CCDC7: variants seen among roughly 807,000 people sequenced by gnomAD.
CCDC7 encodes coiled-coil domain containing 7.
In CCDC7, 183 loss-of-function variants were observed where a neutral mutation model predicts 196.9. That is an observed-to-expected ratio of 0.93 (90% CI 0.82 to 1.05). CCDC7 has a LOEUF of 1.05. Among genes scored for constraint, CCDC7 ranks in the 50% least tolerant of loss-of-function variants. CCDC7 has a pLI of 0.00. For missense variants in CCDC7, 1,540 were observed against 1,482.2 expected (o/e 1.04, Z -0.64); for synonymous variants, 525 against 484.6 (o/e 1.08, Z -1.10).
rs2058909557 is a variant in CCDC7, at chr10:32,583,194, G to A, written c.1615G>A (p.Val539Ile). The A allele has an allele frequency of 4.9e-6, 6 of 1,231,404 alleles. No homozygotes were observed. The East Asian group carries it at 1.3e-4, about 26-fold the overall frequency. The allele number at this position is 1,231,404 out of a possible 1,614,324, so 76.3% of individuals were successfully genotyped here. The change falls in exon 17 of 42, where the codon GTA becomes ATA. Residue 539 changes from valine to isoleucine, a missense_variant. Physicochemically the swap from Val to Ile is conservative, Grantham distance 29. Transcript: ENST00000639629. ...GACCCATGATAAATCACTTACAACA[G>A]TATCATCCAGCAAAGAAGTTCAAGA...
intron 30 of CCDC7, among the ~76,000 whole-genome samples, chr10:32,811,495 A>T (rs1449443789): frequency 1.3e-5 from 2 of 152,226 alleles, no homozygotes; most frequent in South Asian, 2.1e-4. Flanking sequence ...GTGCTGTTAG[A>T]TAAAAAGAAT....
chr10:32,505,948 C>A (rs1374786213), intron 9 of CCDC7, among the ~76,000 whole-genome samples: 1 of 150,042 alleles, frequency 6.7e-6, no homozygotes, highest in East Asian at 2.0e-4. Context: ...TCCTCACATC[C>A]CAGACGGGGC....
At chr10:32,444,136 C>A (rs12777221), upstream of CCDC7, among the ~76,000 whole-genome samples, 6 of 151,498 alleles carry the variant, frequency 4.0e-5, no homozygotes, top group Admixed American at 2.0e-4. Context: ...ACTGAATAGA[C>A]ATAGTGAGAG....
chr10:32,692,915 A>G (rs2077254655), intron 23 of CCDC7, among the ~76,000 whole-genome samples: 1 of 152,078 alleles, frequency 6.6e-6, no homozygotes, highest in Admixed American at 6.6e-5. Context: ...CATTTTATGG[A>G]CCCTGAGGCT....
At chr10:32,809,015 C>CA (rs1217668512) in intron 30 of CCDC7, among the ~76,000 whole-genome samples, 1 of 152,084 alleles carries the variant, frequency 6.6e-6, no homozygotes, top group East Asian at 1.9e-4. Context: ...CTGTCTCTAC[C>CA]AAAAAACTTT....
chr10:32,817,541 T>A (rs1329508350), intron 31 of CCDC7, among the ~76,000 whole-genome samples: 2 of 152,148 alleles, frequency 1.3e-5, no homozygotes, highest in African/African-American at 4.8e-5. Flanking sequence ...ATTGTCAGAT[T>A]CACCAAAGTT....
chr10:32,522,270 T>A (rs1040900883), intron 11 of CCDC7, among the ~76,000 whole-genome samples: 13 of 152,184 alleles, frequency 8.5e-5, no homozygotes, highest in Non-Finnish European at 1.8e-4. Flanking sequence ...TTTAAATGTT[T>A]GGTAAAATTC....
chr10:32,726,689 C>T (rs1311409900), intron 25 of CCDC7, 45 bp from the exon 27 acceptor site: 1 of 1,126,544 alleles, frequency 8.9e-7, no homozygotes, highest in Admixed American at 2.2e-5. Flanking sequence ...TTTGTTTTTT[C>T]ATTTAGCGGA....
intron 21 of CCDC7, among the ~76,000 whole-genome samples, chr10:32,668,525 T>G (rs2073333573): frequency 6.6e-6 from 1 of 152,200 alleles, no homozygotes; most frequent in African/African-American, 2.4e-5. Flanking sequence ...ATAGCTCTTA[T>G]TATTTTGAGA....
At chr10:32,521,555 T>G (rs536567196) in intron 11 of CCDC7, among the ~76,000 whole-genome samples, 1 of 152,268 alleles carries the variant, frequency 6.6e-6, no homozygotes, top group South Asian at 2.1e-4. Context: ...TCCTGTAACT[T>G]TACTGAATTT....
chr10:32,687,848 T>C (rs985461735), intron 22 of CCDC7, among the ~76,000 whole-genome samples: 7 of 152,200 alleles, frequency 4.6e-5, no homozygotes, highest in African/African-American at 1.7e-4. Context: ...GTTATAGGTA[T>C]CGTCACCATT....
intron 23 of CCDC7, among the ~76,000 whole-genome samples, chr10:32,693,088 G>A (rs898791844): frequency 3.9e-5 from 6 of 152,178 alleles, no homozygotes; most frequent in Non-Finnish European, 7.3e-5. Context: ...GTCCAATAGT[G>A]AGGGTTTATG....
In CCDC7 at chr10:32,456,212, C is replaced by A. The variant is rs779362002; in HGVS notation, c.373-39C>A. ...AAAAAGACAGACATGCATATGGATTCTTAAATGTAACTTTATGTTTTATTA... is the reference window on the plus strand; with the variant it reads ...AAAAAGACAGACATGCATATGGATTATTAAATGTAACTTTATGTTTTATTA... On this transcript the variant is annotated intron_variant, in intron 2 of 41. Coordinates refer to ENST00000639629, the Ensembl canonical transcript of CCDC7. 4.8e-6 allele frequency: 7 copies of A among 1,465,368 alleles called. No homozygotes were observed. The South Asian group carries it at 1.1e-4, about 23-fold the overall frequency. The allele number at this position is 1,465,368 out of a possible 1,614,324, so 90.8% of individuals were successfully genotyped here. A position where few individuals can be genotyped will look rare whatever the true frequency, so the allele number is the denominator to read the frequency against.
At chr10:32,462,360 C>T (rs2035918192) in intron 3 of CCDC7, among the ~76,000 whole-genome samples, 1 of 152,084 alleles carries the variant, frequency 6.6e-6, no homozygotes, top group African/African-American at 2.4e-5. Flanking sequence ...AGGAGTTCAA[C>T]GTTATAGTGA....
At chr10:32,576,547 C>CTT (rs1292038601) in intron 16 of CCDC7, among the ~76,000 whole-genome samples, 116 of 116,842 alleles carry the variant, frequency 9.9e-4, no homozygotes, top group African/African-American at 2.8e-3. Flanking sequence ...GCCTGTGTGT[C>CTT]TTTTTTTTTT....
At chr10:32,737,556 T>C (rs1266766863) in intron 28 of CCDC7, among the ~76,000 whole-genome samples, 3 of 152,194 alleles carry the variant, frequency 2.0e-5, no homozygotes, top group African/African-American at 4.8e-5. Flanking sequence ...ATTGGTGATG[T>C]GCTAAGTTCA....
intron 25 of CCDC7, among the ~76,000 whole-genome samples, chr10:32,721,133 T>G (rs558031613): frequency 1.0e-3 from 152 of 152,218 alleles, no homozygotes; most frequent in Admixed American, 2.0e-3. Flanking sequence ...TGAACTAATA[T>G]GTAAATACCC....
intron 13 of CCDC7, among the ~76,000 whole-genome samples, chr10:32,551,664 A>T (rs570738751): frequency 6.6e-6 from 1 of 152,272 alleles, no homozygotes; most frequent in Admixed American, 6.5e-5. Context: ...CCCAATGCTC[A>T]TTCAGGAGCA....
chr10:32,696,008 T>A (rs1225213746), intron 24 of CCDC7, among the ~76,000 whole-genome samples: 1 of 139,850 alleles, frequency 7.2e-6, no homozygotes, highest in African/African-American at 2.6e-5. Context: ...TTTTTTTTTT[T>A]AATCCCCAAG....
Sources: gnomAD v4.1 joint callset for allele counts (sites outside exome capture counted in the v4.1 genomes callset) on GRCh38, gnomAD v4.1.1 for gene constraint, MANE v1.5 for transcripts, NCBI Gene and HGNC (gene_info 2026-07-23, HGNC 2026-07-21) for gene names.